Variants in CNRIP1 observed in about 807,000 individuals in gnomAD.
CNRIP1 encodes CB1 cannabinoid receptor-interacting protein 1.
In CNRIP1, 10 loss-of-function variants were observed where a neutral mutation model predicts 15.2. The ratio of observed to expected loss-of-function variants is 0.66; its 90% CI spans 0.41 to 1.12. The LOEUF (loss-of-function observed/expected upper bound fraction) is 1.12, where lower values mean the gene tolerates loss of function less well. Among genes scored for constraint, CNRIP1 ranks in the 50% most tolerant of loss-of-function variants. CNRIP1 has a pLI of 0.00. For missense variants in CNRIP1, 211 were observed against 214.7 expected (o/e 0.98, Z 0.11); for synonymous variants, 91 against 83.2 (o/e 1.09, Z -0.51).
At chr2:68,296,145 A>G (rs952241773) in intron 2 of CNRIP1, among the ~76,000 whole-genome samples, 1 of 152,254 alleles carries the variant, frequency 6.6e-6, no homozygotes, top group Non-Finnish European at 1.5e-5. Flanking sequence ...GCATATCTAT[A>G]TAATGGAATA....
chr2:68,299,330 A>G (rs1671513545), intron 2 of CNRIP1, among the ~76,000 whole-genome samples: 2 of 152,208 alleles, frequency 1.3e-5, no homozygotes, highest in African/African-American at 4.8e-5. Flanking sequence ...CCCTCCTCCA[A>G]CCCCAATTCA....
At chr2:68,284,614 C>G (rs1007747875) in intron 2 of CNRIP1, 1 of 507,392 alleles carries the variant, frequency 2.0e-6, no homozygotes, top group Non-Finnish European at 3.4e-6. Context: ...GAGTTCGAGA[C>G]CAGCTGACCA....
chr2:68,292,320 G>T (rs1044322492), downstream of CNRIP1, among the ~76,000 whole-genome samples: 1 of 152,188 alleles, frequency 6.6e-6, no homozygotes, highest in Non-Finnish European at 1.5e-5. Flanking sequence ...GCAAGGCATT[G>T]CTGTTCCCTG....
At chr2:68,299,020 T>C (rs931667509) in intron 2 of CNRIP1, among the ~76,000 whole-genome samples, 9 of 152,352 alleles carry the variant, frequency 5.9e-5, no homozygotes, top group African/African-American at 2.2e-4. Context: ...TACTTTCACA[T>C]ACATCATTCC....
intron 2 of CNRIP1, among the ~76,000 whole-genome samples, chr2:68,287,718 T>C (rs921338070): frequency 6.6e-6 from 1 of 152,238 alleles, no homozygotes; most frequent in African/African-American, 2.4e-5. Context: ...TTACAACTCA[T>C]TGGCCAGAGC....
chr2:68,294,490 T>C (rs1458894190), intron 2 of CNRIP1, among the ~76,000 whole-genome samples: 1 of 152,118 alleles, frequency 6.6e-6, no homozygotes, highest in Non-Finnish European at 1.5e-5. Flanking sequence ...ATTCTGTCTC[T>C]AAAACAAACC....
At chr2:68,291,360 A>T (rs1402286335), downstream of CNRIP1, among the ~76,000 whole-genome samples, 1 of 151,980 alleles carries the variant, frequency 6.6e-6, no homozygotes, top group Admixed American at 6.6e-5. Context: ...TCAGAATTCT[A>T]CTAGTCTAAC....
chr2:68,304,335 G>C (rs1459908150), intron 2 of CNRIP1, among the ~76,000 whole-genome samples: 2 of 151,688 alleles, frequency 1.3e-5, no homozygotes, highest in African/African-American at 4.8e-5. Context: ...CTAGGAGGTG[G>C]AGTTTGCAGT....
chr2:68,286,763 T>C (rs1179098224), intron 2 of CNRIP1, among the ~76,000 whole-genome samples: 1 of 152,162 alleles, frequency 6.6e-6, no homozygotes, highest in African/African-American at 2.4e-5. Flanking sequence ...TAGATGAGGG[T>C]AAGCGTGTTG....
rs1671233148 is a variant in CNRIP1 at position 68,293,442 on chromosome 2, G to A, written c.*420C>T. 1.0e-6 allele frequency: 1 copy of A among 990,330 alleles called. No individual in the cohort carries two copies. Among genetic ancestry groups the A allele is most frequent in the Non-Finnish European group, 1.2e-6 (1 of 832,566 alleles). 61.3% of individuals were successfully genotyped at this position (990,330 alleles called of 1,614,324 possible). On this transcript the variant is annotated 3_prime_UTR_variant, in exon 3 of 3. Transcript: ENST00000263655. Reference sequence around the variant, plus strand: ...TTACATGTTACCATATTACACATGGGAGGACCCATACACATTGTTATTTTT... The same window carrying A: ...TTACATGTTACCATATTACACATGGAAGGACCCATACACATTGTTATTTTT...
intron 2 of CNRIP1, among the ~76,000 whole-genome samples, chr2:68,296,565 T>C (rs1389567684): frequency 3.7e-5 from 1 of 27,106 alleles, no homozygotes; most frequent in Admixed American, 3.7e-4. Flanking sequence ...TATATGTGTA[T>C]GTGTGTGTGT....
chr2:68,296,446 G>C lies in CNRIP1; in HGVS notation c.331-2420C>G, dbSNP rs1206841002. Among the ~76,000 whole-genome samples the C allele has an allele frequency of 2.6e-5, 4 of 151,928 alleles. No homozygotes were observed. In the East Asian group the frequency reaches 5.8e-4, roughly 22 times the overall value. ...TGGCACACACTGTGAGACTGAGATA[G>C]GAGGATTGCTTGAGCCCAGGAGTTT... On this transcript the variant is annotated intron_variant, in intron 2 of 2. Coordinates refer to ENST00000263655, the MANE Select transcript of CNRIP1 (RefSeq NM_015463.3).
Position 68,305,290 on chromosome 2 carries a change from G to A in CNRIP1, c.331-11264C>T, listed in dbSNP as rs781119400. 9.6e-3 allele frequency among the ~76,000 whole-genome samples: 1,384 copies of A among 144,440 alleles called. 31 individuals carry two copies. Among genetic ancestry groups the A allele is most frequent in the Admixed American group, 0.024 (347 of 14,440 alleles). 94.8% of individuals were successfully genotyped at this position (144,440 alleles called of 152,430 possible). ...TATATATATATGTGTGTGTGTGTGT[G>A]TGTGTGTGTGTGTGTGTGTGTGTAC... On this transcript the variant is annotated intron_variant, in intron 2 of 2. Transcript: ENST00000263655.
chr2:68,286,493 ATAAAGG>A (rs951146659), intron 2 of CNRIP1, among the ~76,000 whole-genome samples: 1 of 152,264 alleles, frequency 6.6e-6, no homozygotes, highest in African/African-American at 2.4e-5. Flanking sequence ...TGACTATCTG[ATAAAGG>A]TAAAGGAAAA....
chr2:68,290,617 T>A (rs183407523), downstream of CNRIP1, among the ~76,000 whole-genome samples: 161 of 152,348 alleles, frequency 1.1e-3, no homozygotes, highest in African/African-American at 3.6e-3. Context: ...CCCTTTCATG[T>A]TCTACTTCCA....
intron 2 of CNRIP1, among the ~76,000 whole-genome samples, chr2:68,308,241 T>C (rs1459565554): frequency 6.6e-6 from 1 of 151,146 alleles, no homozygotes; most frequent in South Asian, 2.1e-4. Context: ...AAACCCCCGA[T>C]GTCATTGGGA....
chr2:68,308,338 T>G (rs577417924), intron 2 of CNRIP1, among the ~76,000 whole-genome samples: 12 of 152,348 alleles, frequency 7.9e-5, no homozygotes, highest in Middle Eastern at 3.4e-3. Context: ...TAGTTTCTTC[T>G]TCTGGAAAAT....
intron 2 of CNRIP1, among the ~76,000 whole-genome samples, chr2:68,308,528 C>T (rs553752994): frequency 1.3e-5 from 2 of 151,414 alleles, no homozygotes; most frequent in African/African-American, 2.4e-5. Flanking sequence ...TTGATTTTTC[C>T]GTAATTTTAG....
At chr2:68,297,428 C>T (rs1042616875) in intron 2 of CNRIP1, among the ~76,000 whole-genome samples, 6 of 151,784 alleles carry the variant, frequency 4.0e-5, no homozygotes, top group Non-Finnish European at 8.8e-5. Context: ...ATTAGCTGGG[C>T]ATGGGAGTGT....
Sources: allele counts gnomAD v4.1 joint callset (sites outside exome capture counted in the v4.1 genomes callset), GRCh38; gene constraint gnomAD v4.1.1; transcripts MANE v1.5; gene names NCBI Gene and HGNC (gene_info 2026-07-23, HGNC 2026-07-21).